The following HOPX variants were observed in gnomAD, a reference collection of about 807,000 sequenced individuals.
HOPX encodes the protein homeodomain-only protein.
A neutral mutation model predicts 11.8 loss-of-function variants in HOPX; 5 were observed. The observed-to-expected ratio is 0.43, with a 90% CI of 0.22 to 0.89. HOPX has a LOEUF of 0.89. Among genes scored for constraint, HOPX ranks in the 40% least tolerant of loss-of-function variants. The probability of loss-of-function intolerance (pLI) is 0.28; values close to 1 mark genes in which losing one functional copy is unlikely to be tolerated. For synonymous variants in HOPX, 49 were observed against 49.7 expected, an observed-to-expected ratio of 0.99 and a Z score of 0.06; for missense variants, 119 against 120.0, an observed-to-expected ratio of 0.99 and a Z score of 0.04.
intron 1 of HOPX, among the ~76,000 whole-genome samples, chr4:56,669,307 A>G (rs774106183): frequency 5.3e-5 from 8 of 152,234 alleles, no homozygotes; most frequent in Non-Finnish European, 8.8e-5. Flanking sequence ...ACTAGGAACC[A>G]AGGAGCTTCT....
chr4:56,653,090 T>A (rs919722490), intron 3 of HOPX, among the ~76,000 whole-genome samples: 6 of 152,234 alleles, frequency 3.9e-5, no homozygotes, highest in Admixed American at 3.9e-4. Flanking sequence ...GGCTAGGTGG[T>A]GCAGTGGCAT....
chr4:56,649,546 C>G (rs941634331), intron 3 of HOPX: 4 of 152,212 alleles, frequency 2.6e-5, no homozygotes, highest in African/African-American at 9.7e-5. Flanking sequence ...TCCAGGGCCA[C>G]TGAGCAGTGA....
intron 1 of HOPX, among the ~76,000 whole-genome samples, chr4:56,658,769 C>G (rs892573139): frequency 6.6e-6 from 1 of 152,208 alleles, no homozygotes; most frequent in African/African-American, 2.4e-5. Context: ...GCTACTCAGA[C>G]GTTAATCTTA....
chr4:56,653,412 A>G (rs1219576848), intron 3 of HOPX, among the ~76,000 whole-genome samples: 1 of 152,180 alleles, frequency 6.6e-6, no homozygotes, highest in Admixed American at 6.5e-5. Context: ...TTGTTTGAGA[A>G]GATGAAAGAA....
In HOPX at chr4:56,675,022, T is replaced by C. The variant is rs909541975; in HGVS notation, c.-84+6233A>G. ...GCACAAACCACCATGCCCAGCCAAC[T>C]TCTCTACATTTAAAAGAGCTTCTAT... On this transcript the variant is annotated intron_variant, in intron 1 of 3. Transcript: ENST00000420433. Among the ~76,000 whole-genome samples the C allele has an allele frequency of 4.6e-5, 7 of 151,520 alleles. 1 individual carries two copies. The highest frequency in any genetic ancestry group is 1.5e-4 in the African/African-American group (6 of 40,852).
At position 56,672,461 on chromosome 4, in the gene HOPX, C is replaced by A. The variant is rs577216871; in HGVS notation, c.-84+8794G>T. On this transcript the variant is annotated intron_variant, in intron 1 of 3. Coordinates refer to ENST00000420433, the MANE Select transcript of HOPX (RefSeq NM_032495.6). ...TGCTGAGGGACAAGAATCGCTTGAA[C>A]CCGAGAAGTGGAGGTTGCAGTGAGC... Among the ~76,000 whole-genome samples the A allele has an allele frequency of 2.0e-5, 3 of 151,762 alleles. No homozygotes were observed. The South Asian group carries it at 6.3e-4, about 32-fold the overall frequency.
intron 2 of HOPX, among the ~76,000 whole-genome samples, chr4:56,657,284 T>A (rs1332101927): frequency 2.0e-5 from 3 of 152,220 alleles, no homozygotes; most frequent in Non-Finnish European, 4.4e-5. Context: ...TGACTGTCGC[T>A]GACAGTAAAA....
intron 2 of HOPX, 60 bp downstream of exon 2, chr4:56,657,715 C>T: frequency 4.0e-6 from 3 of 747,642 alleles, no homozygotes; most frequent in East Asian, 2.7e-5. Flanking sequence ...CTTCTGTGTG[C>T]ACCCATTGCC....
chr4:56,666,530 A>G (rs1049101759), intron 1 of HOPX, among the ~76,000 whole-genome samples: 4 of 152,124 alleles, frequency 2.6e-5, no homozygotes, highest in African/African-American at 9.7e-5. Context: ...TGGACATAAA[A>G]CTCTGCATAT....
At chr4:56,650,392 T>C (rs1457927120) in intron 3 of HOPX, 1 of 313,360 alleles carries the variant, frequency 3.2e-6, no homozygotes, top group Admixed American at 4.6e-5. Context: ...CATGGCTTGA[T>C]GCCTATACAG....
Position 56,648,525 on chromosome 4 carries a change from C to T in HOPX, c.*195G>A. ...AAGCCACTGCTTTACACAGAAGATA[C>T]ACATAGCTTCCTATTGTTATTTTCT... is the stretch of plus-strand genomic sequence containing the variant. On this transcript the variant is annotated 3_prime_UTR_variant, in exon 4 of 4. Transcript: ENST00000420433. 1 of 431,556 alleles carries T rather than the reference C, an allele frequency of 2.3e-6. No homozygotes were observed. The highest frequency in any genetic ancestry group is 3.2e-5 in the East Asian group (1 of 30,986). The allele number at this position is 431,556 out of a possible 1,614,324, so 26.7% of individuals were successfully genotyped here.
chr4:56,666,678 A>G (rs1183905867), intron 1 of HOPX, among the ~76,000 whole-genome samples: 1 of 152,244 alleles, frequency 6.6e-6, no homozygotes, highest in Non-Finnish European at 1.5e-5. Flanking sequence ...TATTTAGTCT[A>G]CTTTCATAGA....
rs370214410 is a variant in HOPX at position 56,671,130 on chromosome 4, A to G, written c.-84+10125T>C. Among the ~76,000 whole-genome samples the G allele has an allele frequency of 4.6e-5, 7 of 152,092 alleles. No individual in the cohort carries two copies. In the East Asian group the frequency reaches 9.6e-4, roughly 21 times the overall value. ...TCATTCCTAATGCCTGACTCTGAAA[A>G]GAGCTGTTCATTTGTAATTCTGGGG... On this transcript the variant is annotated intron_variant, in intron 1 of 3. Coordinates refer to ENST00000420433, the MANE Select transcript of HOPX (RefSeq NM_032495.6).
chr4:56,681,370 G>A, upstream of HOPX: 11 of 985,324 alleles, frequency 1.1e-5, no homozygotes, highest in Non-Finnish European at 1.3e-5. Flanking sequence ...GTTTATTTAC[G>A]CCTATGAGCA....
intron 1 of HOPX, among the ~76,000 whole-genome samples, chr4:56,673,824 C>T (rs527484606): frequency 1.3e-5 from 2 of 152,232 alleles, no homozygotes; most frequent in East Asian, 1.9e-4. Flanking sequence ...CCTGCCTCAG[C>T]CTCCTGAGTA....
chr4:56,670,006 G>A lies in HOPX; in HGVS notation c.-84+11249C>T, dbSNP rs114213647. On this transcript the variant is annotated intron_variant, in intron 1 of 3. Coordinates refer to ENST00000420433, the MANE Select transcript of HOPX (RefSeq NM_032495.6). ...AGAGGAAAATAGCTTCAAATTTCCTGATCTTTCATTTTTATTGCAACTTGA... is the reference window on the plus strand; with the variant it reads ...AGAGGAAAATAGCTTCAAATTTCCTAATCTTTCATTTTTATTGCAACTTGA... Among the ~76,000 whole-genome samples, 278 of 152,220 alleles carry A rather than the reference G, an allele frequency of 1.8e-3. 1 individual carries two copies. Among genetic ancestry groups the A allele is most frequent in the African/African-American group, 6.3e-3 (262 of 41,550 alleles).
chr4:56,654,304 T>C (rs1717471948), intron 3 of HOPX, among the ~76,000 whole-genome samples: 1 of 152,258 alleles, frequency 6.6e-6, no homozygotes, highest in South Asian at 2.1e-4. Context: ...GTCAACGTAA[T>C]TATGCTGCTT....
intron 1 of HOPX, among the ~76,000 whole-genome samples, chr4:56,669,804 A>T (rs961569961): frequency 6.6e-6 from 1 of 152,144 alleles, no homozygotes; most frequent in Admixed American, 6.5e-5. Context: ...TTAGGTAGAG[A>T]ATAGTAAAAA....
chr4:56,651,469 G>C (rs985440795), intron 3 of HOPX, among the ~76,000 whole-genome samples: 10 of 152,010 alleles, frequency 6.6e-5, no homozygotes, highest in Non-Finnish European at 1.3e-4. Context: ...TTTCCACCTG[G>C]CTTTATCCTT....
Sources: gnomAD v4.1 joint callset for allele counts (sites outside exome capture counted in the v4.1 genomes callset) on GRCh38, gnomAD v4.1.1 for gene constraint, MANE v1.5 for transcripts, NCBI Gene and HGNC (gene_info 2026-07-23, HGNC 2026-07-21) for gene names.